Variants in NR3C2 observed in about 807,000 individuals in gnomAD.
NR3C2 encodes nuclear receptor subfamily 3 group C member 2, also known as mineralocorticoid receptor.
In NR3C2, 15 loss-of-function variants were observed where a neutral mutation model predicts 86.4. The ratio of observed to expected loss-of-function variants is 0.17; its 90% CI spans 0.12 to 0.27. The LOEUF is 0.27. Among genes scored for constraint, NR3C2 ranks in the 10% least tolerant of loss-of-function variants. NR3C2 has a pLI of 1.00. For synonymous variants in NR3C2, 458 were observed against 450.5 expected (o/e 1.02, Z -0.21); for missense variants, 960 against 1,195.6 (o/e 0.80, Z 2.91).
At chr4:148,228,938 G>A (rs1376104229) in intron 3 of NR3C2, among the ~76,000 whole-genome samples, 1 of 152,172 alleles carries the variant, frequency 6.6e-6, no homozygotes, top group Non-Finnish European at 1.5e-5. Flanking sequence ...ACTCCTGTAT[G>A]ATGCCTATAA....
At chr4:148,306,805 TTAAAAA>T (rs1320361195) in intron 2 of NR3C2, among the ~76,000 whole-genome samples, 2 of 152,184 alleles carry the variant, frequency 1.3e-5, no homozygotes, top group Non-Finnish European at 2.9e-5. Context: ...CTGTAAAACA[TTAAAAA>T]TAGATTATAG....
chr4:148,417,239 T>C (rs1333641003), intron 2 of NR3C2, among the ~76,000 whole-genome samples: 1 of 152,240 alleles, frequency 6.6e-6, no homozygotes, highest in Non-Finnish European at 1.5e-5. Context: ...TTGTTTGGCA[T>C]ATGGGAATTT....
intron 2 of NR3C2, among the ~76,000 whole-genome samples, chr4:148,370,601 G>T (rs1746368646): frequency 6.6e-6 from 1 of 152,012 alleles, no homozygotes; most frequent in African/African-American, 2.4e-5. Context: ...GTCAAAATCA[G>T]GAGTTTTGGT....
At chr4:148,107,889 T>C (rs1291219882) in intron 8 of NR3C2, among the ~76,000 whole-genome samples, 1 of 152,084 alleles carries the variant, frequency 6.6e-6, no homozygotes, top group Non-Finnish European at 1.5e-5. Flanking sequence ...GACAAACACC[T>C]AATGCATGTG....
intron 2 of NR3C2, among the ~76,000 whole-genome samples, chr4:148,293,875 C>T (rs945720939): frequency 6.6e-6 from 1 of 152,176 alleles, no homozygotes; most frequent in Non-Finnish European, 1.5e-5. Flanking sequence ...GTGACCTATG[C>T]ATACATGACC....
At chr4:148,345,560 C>T (rs1744949043) in intron 2 of NR3C2, among the ~76,000 whole-genome samples, 4 of 151,874 alleles carry the variant, frequency 2.6e-5, no homozygotes, top group Admixed American at 2.6e-4. Flanking sequence ...CATTTTCTTA[C>T]ATAAGACATA....
At chr4:148,284,953 C>G (rs1050803506) in intron 2 of NR3C2, among the ~76,000 whole-genome samples, 5 of 152,186 alleles carry the variant, frequency 3.3e-5, no homozygotes, top group Non-Finnish European at 7.3e-5. Context: ...AACTATAACT[C>G]CCCTCTAGTT....
At chr4:148,270,167 T>G (rs1418422364) in intron 2 of NR3C2, among the ~76,000 whole-genome samples, 2 of 152,192 alleles carry the variant, frequency 1.3e-5, no homozygotes, top group Non-Finnish European at 2.9e-5. Flanking sequence ...AAATATGGCT[T>G]CTTTCTATAA....
chr4:148,336,431 G>A (rs1226639764), intron 2 of NR3C2, among the ~76,000 whole-genome samples: 1 of 152,182 alleles, frequency 6.6e-6, no homozygotes, highest in East Asian at 1.9e-4. Flanking sequence ...AGTGCCCAAT[G>A]TGTTCAGCTA....
chr4:148,364,714 A>G (rs1391810069), intron 2 of NR3C2, among the ~76,000 whole-genome samples: 1 of 152,120 alleles, frequency 6.6e-6, no homozygotes, highest in African/African-American at 2.4e-5. Context: ...CATGTGGCAC[A>G]ATGTGCCATA....
At position 148,435,200 on chromosome 4, in the gene NR3C2, T is replaced by C. The variant is rs5527; in HGVS notation, c.1661A>G (p.Asn554Ser). Residue 554 changes from asparagine (N) to serine (S), a missense_variant, in exon 2 of 9, where the codon AAT becomes AGT. Transcript: ENST00000358102. ...TGATTTCCATGACTCCACTAAAGTA[T>C]TGACAGGAGGAAAGGAACTCAGGTG... ...FQHLSSFPPV[N>S]TLVESWKSHG... 1.3e-3 allele frequency: 2,144 copies of C among 1,614,142 alleles called. 27 individuals are homozygous for C. In the East Asian group the frequency reaches 0.027, roughly 20 times the overall value.
chr4:148,404,471 T>TG (rs1366147942), intron 2 of NR3C2, among the ~76,000 whole-genome samples: 1 of 152,070 alleles, frequency 6.6e-6, no homozygotes, highest in Non-Finnish European at 1.5e-5. Context: ...GTTTGTTTTT[T>TG]GGGGGGAGTC....
chr4:148,190,536 A>C (rs1018014415), intron 4 of NR3C2, among the ~76,000 whole-genome samples: 1 of 152,184 alleles, frequency 6.6e-6, no homozygotes, highest in African/African-American at 2.4e-5. Flanking sequence ...TTCTGTATAC[A>C]TCTGTTAAGT....
At position 148,152,404 on chromosome 4, in the gene NR3C2, C is replaced by T. The variant is rs2272089; in HGVS notation, c.2510+65G>A. The T allele has an allele frequency of 0.73, 1,128,862 of 1,543,868 alleles. 413,586 individuals are homozygous for T. Among genetic ancestry groups the T allele is most frequent in the African/African-American group, 0.78 (57,138 of 73,512 alleles). On this transcript the variant is annotated intron_variant, in intron 6 of 8. Transcript: ENST00000358102. ...CCAACGTACATCTGTTTAGAAATTA[C>T]TGAAAGAAATCATAACGCATAACTC...
intron 3 of NR3C2, among the ~76,000 whole-genome samples, chr4:148,226,140 A>C (rs1197575720): frequency 6.6e-6 from 1 of 152,210 alleles, no homozygotes; most frequent in Non-Finnish European, 1.5e-5. Flanking sequence ...AATTTCAGTA[A>C]GATCTTAATC....
chr4:148,350,216 T>C (rs1472044091), intron 2 of NR3C2, among the ~76,000 whole-genome samples: 1 of 152,158 alleles, frequency 6.6e-6, no homozygotes, highest in Non-Finnish European at 1.5e-5. Context: ...AATTACAAAG[T>C]ATAGAAGGAG....
intron 2 of NR3C2, among the ~76,000 whole-genome samples, chr4:148,355,056 G>C (rs1252230383): frequency 6.6e-6 from 1 of 152,092 alleles, no homozygotes; most frequent in Non-Finnish European, 1.5e-5. Flanking sequence ...TAATGGAATT[G>C]AACAAAATTA....
Position 148,397,328 on chromosome 4 carries a change from G to A in NR3C2, c.1757+37776C>T, listed in dbSNP as rs188586305. Among the ~76,000 whole-genome samples, 11 of 152,330 alleles carry A rather than the reference G, an allele frequency of 7.2e-5. 1 individual carries two copies. Among genetic ancestry groups the A allele is most frequent in the African/African-American group, 2.6e-4 (11 of 41,576 alleles). On this transcript the variant is annotated intron_variant, in intron 2 of 8. Transcript: ENST00000358102. ...TCTTGACTGTCCTTTCATCGTGGCT[G>A]ACTGTCCTTCAGGCAGCCTTGTGCA...
intron 2 of NR3C2, among the ~76,000 whole-genome samples, chr4:148,342,389 T>C (rs542189301): frequency 6.6e-6 from 1 of 152,166 alleles, no homozygotes; most frequent in Non-Finnish European, 1.5e-5. Flanking sequence ...TATAGGAAAT[T>C]TGTAATGCGC....
Sources: allele counts gnomAD v4.1 joint callset (sites outside exome capture counted in the v4.1 genomes callset), GRCh38; gene constraint gnomAD v4.1.1; transcripts MANE v1.5; gene names NCBI Gene and HGNC (gene_info 2026-07-23, HGNC 2026-07-21).